BTBD7: variants seen among roughly 807,000 people sequenced by gnomAD.
BTBD7 encodes BTB domain containing 7.
BTBD7 carries 38 observed loss-of-function variants against 99.9 expected under a neutral mutation model. That is an observed-to-expected ratio of 0.38 (90% CI 0.29 to 0.50). The LOEUF (loss-of-function observed/expected upper bound fraction) is 0.50, where lower values mean the gene tolerates loss of function less well. BTBD7 is among the 20% of genes least tolerant of loss of function. The pLI is 0.93. For synonymous variants in BTBD7, 520 were observed against 511.4 expected, an observed-to-expected ratio of 1.02 and a Z score of -0.23; for missense variants, 1,170 against 1,394.6, an observed-to-expected ratio of 0.84 and a Z score of 2.57.
At chr14:93,273,974 G>T (rs1393626642) in intron 3 of BTBD7, among the ~76,000 whole-genome samples, 1 of 152,200 alleles carries the variant, frequency 6.6e-6, no homozygotes, top group Non-Finnish European at 1.5e-5. Flanking sequence ...TCAGAACCCA[G>T]GGGATTCACT....
At chr14:93,293,704 C>T (rs932910080) in intron 3 of BTBD7, among the ~76,000 whole-genome samples, 154 bp downstream of exon 3, 3 of 152,160 alleles carry the variant, frequency 2.0e-5, no homozygotes, top group African/African-American at 7.2e-5. Context: ...AATACTGACC[C>T]TCAATCTGTC....
intron 3 of BTBD7, among the ~76,000 whole-genome samples, chr14:93,276,890 TA>T (rs1310945251): frequency 1.5e-5 from 2 of 134,586 alleles, no homozygotes; most frequent in African/African-American, 2.9e-5. Context: ...ACACACAGAT[TA>T]ATTTTTTTTT....
chr14:93,256,995 C>G, intron 6 of BTBD7, 200 bp downstream of exon 6: 1 of 543,946 alleles, frequency 1.8e-6, no homozygotes, highest in Non-Finnish European at 3.2e-6. Context: ...CCACTCAACT[C>G]TCATTCACTG....
At chr14:93,315,825 TTGA>T (rs1459550174) in intron 1 of BTBD7, among the ~76,000 whole-genome samples, 3 of 152,222 alleles carry the variant, frequency 2.0e-5, no homozygotes, top group East Asian at 1.9e-4. Context: ...CATCCATCCA[TTGA>T]TGGACATTTG....
chr14:93,256,985 C>T, intron 6 of BTBD7: 2 of 506,900 alleles, frequency 3.9e-6, no homozygotes, highest in East Asian at 3.1e-5. Flanking sequence ...ACCTATTTAC[C>T]CACTCAACTC....
intron 3 of BTBD7, among the ~76,000 whole-genome samples, 161 bp from the exon 4 acceptor site, chr14:93,264,154 C>T (rs2052518361): frequency 6.6e-6 from 1 of 152,052 alleles, no homozygotes; most frequent in Non-Finnish European, 1.5e-5. Context: ...GATGGGTAAA[C>T]AATAGACTAT....
intron 1 of BTBD7, among the ~76,000 whole-genome samples, chr14:93,332,045 C>T (rs2053434268): frequency 6.6e-6 from 1 of 152,152 alleles, no homozygotes; most frequent in Admixed American, 6.5e-5. Flanking sequence ...ATTATCTGTG[C>T]TGGTATGTGA....
intron 1 of BTBD7, among the ~76,000 whole-genome samples, chr14:93,309,408 GA>G (rs11308931): frequency 0.57 from 71,914 of 126,982 alleles, 19,749 homozygotes; most frequent in African/African-American, 0.73. Context: ...CTGTCTCCAA[GA>G]AAAAAAAAAA....
At chr14:93,271,226 GT>G (rs1315069774) in intron 3 of BTBD7, among the ~76,000 whole-genome samples, 2 of 152,118 alleles carry the variant, frequency 1.3e-5, no homozygotes, top group Non-Finnish European at 2.9e-5. Flanking sequence ...CAGGATCTTT[GT>G]TTCCCCCTTA....
intron 3 of BTBD7, among the ~76,000 whole-genome samples, chr14:93,288,900 C>G (rs529629352): frequency 1.3e-5 from 2 of 152,338 alleles, no homozygotes; most frequent in South Asian, 4.1e-4. Flanking sequence ...TAGGTGATTT[C>G]ACCATAGGGT....
intron 1 of BTBD7, among the ~76,000 whole-genome samples, chr14:93,317,538 C>T (rs1293904208): frequency 3.3e-5 from 5 of 151,722 alleles, no homozygotes; most frequent in South Asian, 4.2e-4. Flanking sequence ...AAGAAAACAA[C>T]GGTGGAGAAA....
chr14:93,268,371 T>G (rs1195627230), intron 3 of BTBD7, among the ~76,000 whole-genome samples: 1 of 152,220 alleles, frequency 6.6e-6, no homozygotes, highest in Non-Finnish European at 1.5e-5. Flanking sequence ...TATATTTGTC[T>G]GACTCTTCCA....
At chr14:93,293,719 A>G in intron 3 of BTBD7, 139 bp downstream of exon 3, 1 of 1,042,606 alleles carries the variant, frequency 9.6e-7, no homozygotes, top group Non-Finnish European at 1.4e-6. Context: ...TCTGTCTCAG[A>G]TGTCATAACT....
At chr14:93,300,707 TGTGTGTGTGTGTGTG>T (rs2052986579) in intron 1 of BTBD7, among the ~76,000 whole-genome samples, 1 of 2,102 alleles carries the variant, frequency 4.8e-4, no homozygotes, top group Non-Finnish European at 9.1e-4. Context: ...AGCTAATTTG[TGTGTGTGTGTGTGTG>T]TGTGTGTGTG....
rs2052179895 is a variant in BTBD7 at position 93,237,980 on chromosome 14, C to T, written c.*4293G>A. On this transcript the variant is annotated 3_prime_UTR_variant, in exon 11 of 11. Transcript: ENST00000334746. ...CTGAAGTACAGATGTGGTGCATACA[C>T]AGCAAGGAGAGTTCAGGAACCTTTA... The T allele has an allele frequency of 2.0e-5, 3 of 152,546 alleles. No individual in the cohort carries two copies. The highest frequency in any genetic ancestry group is 2.1e-4 in the South Asian group (1 of 4,820). The allele number at this position is 152,546 out of a possible 1,614,324, so 9.4% of individuals were successfully genotyped here. A position where few individuals can be genotyped will look rare whatever the true frequency, so the allele number is the denominator to read the frequency against.
intron 1 of BTBD7, among the ~76,000 whole-genome samples, chr14:93,309,253 T>C (rs974182840): frequency 3.3e-5 from 5 of 152,016 alleles, no homozygotes; most frequent in Non-Finnish European, 4.4e-5. Flanking sequence ...ATTCTCCAAA[T>C]GAGGAAATCA....
rs567547983 is a variant in BTBD7, at chr14:93,292,143, C to T, written c.1162+1715G>A. 4.1e-4 allele frequency among the ~76,000 whole-genome samples: 63 copies of T among 152,238 alleles called. 1 individual carries two copies. Among genetic ancestry groups the T allele is most frequent in the East Asian group, 7.7e-4 (4 of 5,164 alleles). On this transcript the variant is annotated intron_variant, in intron 3 of 10. Transcript: ENST00000334746. Reference sequence around the variant, plus strand: ...CGGAGGTTGCAGTGAGCCGAAATTGCGCCATTGCACTCCAGCCTGGGTGAC... The same window carrying T: ...CGGAGGTTGCAGTGAGCCGAAATTGTGCCATTGCACTCCAGCCTGGGTGAC...
rs752755499 is a variant in BTBD7, at chr14:93,253,833, T to G, written c.1609-43A>C. ...TTTTAGATAGAAATCTGTGTAGTAC[T>G]ATAATACTACTAAGATAAATAAAAA... On this transcript the variant is annotated intron_variant, in intron 6 of 10. Coordinates refer to ENST00000334746, the MANE Select transcript of BTBD7 (RefSeq NM_001002860.4). The G allele has an allele frequency of 1.1e-5, 11 of 979,692 alleles. No individual in the cohort carries two copies. In the East Asian group the frequency reaches 2.9e-4, roughly 26 times the overall value. 60.7% of individuals were successfully genotyped at this position (979,692 alleles called of 1,614,324 possible).
chr14:93,315,947 G>A (rs1302404834), intron 1 of BTBD7, among the ~76,000 whole-genome samples: 2 of 125,862 alleles, frequency 1.6e-5, no homozygotes, highest in Non-Finnish European at 3.2e-5. Flanking sequence ...GGAGCAAAAT[G>A]TATCTTTTTT....
Sources: gnomAD v4.1 joint callset for allele counts (sites outside exome capture counted in the v4.1 genomes callset) on GRCh38, gnomAD v4.1.1 for gene constraint, MANE v1.5 for transcripts, NCBI Gene and HGNC (gene_info 2026-07-23, HGNC 2026-07-21) for gene names.